Variants in PARD3 observed in about 807,000 individuals in gnomAD.
PARD3 encodes the protein par-3 family cell polarity regulator.
Under a neutral mutation model 155.4 loss-of-function variants are expected in PARD3, and 75 were observed. That is an observed-to-expected ratio of 0.48 (90% CI 0.40 to 0.58). PARD3 has a LOEUF of 0.58. Among genes scored for constraint, PARD3 ranks in the 20% least tolerant of loss-of-function variants. The pLI, the probability that PARD3 is intolerant of heterozygous loss-of-function variation, is 0.00. For synonymous variants in PARD3, 576 were observed against 610.5 expected (o/e 0.94, Z 0.83); for missense variants, 1,642 against 1,721.7 (o/e 0.95, Z 0.82).
rs193137785 is a variant in PARD3 at position 34,314,964 on chromosome 10, T to C, written c.3065+2143A>G. On this transcript the variant is annotated intron_variant, in intron 20 of 24. Coordinates refer to ENST00000374788, the MANE Select transcript of PARD3 (RefSeq NM_001184785.2). ...ATTCCAATAAACCAATGATTCCACA[T>C]ACCTAAAAAAGTATGAATGTCTGTT... 3.3e-5 allele frequency among the ~76,000 whole-genome samples: 5 copies of C among 152,244 alleles called. No homozygotes were observed. In the East Asian group the frequency reaches 9.6e-4, roughly 29 times the overall value.
At chr10:34,703,375 A>G (rs2094313183) in intron 1 of PARD3, among the ~76,000 whole-genome samples, 1 of 151,928 alleles carries the variant, frequency 6.6e-6, no homozygotes, top group Non-Finnish European at 1.5e-5. Flanking sequence ...TGTGACAGAC[A>G]CTCTGTCCAA....
chr10:34,197,716 C>T (rs1448490364), intron 22 of PARD3, among the ~76,000 whole-genome samples: 1 of 152,186 alleles, frequency 6.6e-6, no homozygotes, highest in Non-Finnish European at 1.5e-5. Context: ...GCTCCTACTG[C>T]AGGAGGTGAG....
At chr10:34,668,607 A>G (rs76494039) in intron 2 of PARD3, among the ~76,000 whole-genome samples, 3,115 of 152,304 alleles carry the variant, frequency 0.02, 106 homozygotes, top group African/African-American at 0.071. Context: ...AGGAAGAAGA[A>G]AACACTCCAA....
chr10:34,145,204 TA>T (rs1948411221), intron 22 of PARD3, among the ~76,000 whole-genome samples: 3 of 64,232 alleles, frequency 4.7e-5, no homozygotes, highest in South Asian at 4.6e-4. Flanking sequence ...TATATATATA[TA>T]TATATATATA....
chr10:34,170,490 C>T (rs1418414174), intron 22 of PARD3, among the ~76,000 whole-genome samples: 2 of 152,126 alleles, frequency 1.3e-5, no homozygotes, highest in Non-Finnish European at 2.9e-5. Flanking sequence ...AGAGACTACC[C>T]TGGGGAAGAC....
chr10:34,587,619 T>C (rs569139901), intron 2 of PARD3, among the ~76,000 whole-genome samples: 3 of 152,318 alleles, frequency 2.0e-5, no homozygotes, highest in Non-Finnish European at 2.9e-5. Flanking sequence ...TTATATATTA[T>C]AATCACTGTG....
intron 22 of PARD3, among the ~76,000 whole-genome samples, chr10:34,180,283 G>A (rs1455493173): frequency 3.3e-5 from 5 of 152,170 alleles, no homozygotes; most frequent in Admixed American, 3.3e-4. Flanking sequence ...CTCACCTCAT[G>A]ATCCGCCTGC....
At chr10:34,754,043 G>A (rs998711318) in intron 1 of PARD3, among the ~76,000 whole-genome samples, 3 of 150,864 alleles carry the variant, frequency 2.0e-5, no homozygotes, top group East Asian at 1.9e-4. Flanking sequence ...TAGAGACATC[G>A]TCTCCTTGTT....
chr10:34,438,583 A>T (rs1275012214), intron 5 of PARD3, among the ~76,000 whole-genome samples: 1 of 152,220 alleles, frequency 6.6e-6, no homozygotes, highest in Non-Finnish European at 1.5e-5. Context: ...AAAAGTAGGG[A>T]CATTATGAAC....
chr10:34,475,512 A>G (rs1589707079), intron 3 of PARD3, among the ~76,000 whole-genome samples: 2 of 152,234 alleles, frequency 1.3e-5, no homozygotes, highest in Admixed American at 1.3e-4. Flanking sequence ...GGTCAGCTAC[A>G]ATGTGAATGT....
At chr10:34,725,968 G>C (rs981868978) in intron 1 of PARD3, among the ~76,000 whole-genome samples, 7 of 152,048 alleles carry the variant, frequency 4.6e-5, no homozygotes, top group Non-Finnish European at 8.8e-5. Context: ...CAGTATCTAA[G>C]CATACATGTC....
At chr10:34,220,844 C>T (rs1952242615) in intron 22 of PARD3, among the ~76,000 whole-genome samples, 1 of 152,170 alleles carries the variant, frequency 6.6e-6, no homozygotes, top group African/African-American at 2.4e-5. Flanking sequence ...TGGATTCTGA[C>T]TAATAAAGCC....
chr10:34,298,029 A>G (rs2570335), intron 20 of PARD3, among the ~76,000 whole-genome samples: 76,662 of 152,108 alleles, frequency 0.5, 19,440 homozygotes, highest in Middle Eastern at 0.6. Flanking sequence ...CTGGCTGTGA[A>G]GGGCAACTCA....
At position 34,623,797 on chromosome 10, in the gene PARD3, C is replaced by G. The variant is rs1015346377; in HGVS notation, c.222+72521G>C. Among the ~76,000 whole-genome samples, 30 of 152,006 alleles carry G rather than the reference C, an allele frequency of 2.0e-4. 1 individual carries two copies. The highest frequency in any genetic ancestry group is 6.5e-4 in the African/African-American group (27 of 41,472). Reference sequence around the variant, plus strand: ...GAGATCGAAACCATCCTGGCTAACACGGTGAAACCCTGACTCTACTAAAAA... The same window carrying G: ...GAGATCGAAACCATCCTGGCTAACAGGGTGAAACCCTGACTCTACTAAAAA... On this transcript the variant is annotated intron_variant, in intron 2 of 24. Coordinates refer to ENST00000374788, the MANE Select transcript of PARD3 (RefSeq NM_001184785.2).
chr10:34,728,367 G>A (rs2094756460), intron 1 of PARD3, among the ~76,000 whole-genome samples: 1 of 152,038 alleles, frequency 6.6e-6, no homozygotes, highest in Non-Finnish European at 1.5e-5. Flanking sequence ...GAACGTTTTT[G>A]TAATTTAGAA....
intron 2 of PARD3, among the ~76,000 whole-genome samples, chr10:34,615,652 A>G (rs2091202169): frequency 6.6e-6 from 1 of 152,232 alleles, no homozygotes; most frequent in African/African-American, 2.4e-5. Context: ...CAATGAAAAA[A>G]GTGAAGCGAC....
Position 34,406,405 on chromosome 10 carries a change from T to C in PARD3, c.715-4488A>G, listed in dbSNP as rs77440253. On this transcript the variant is annotated intron_variant, in intron 5 of 24. Transcript: ENST00000374788. Reference sequence around the variant, plus strand: ...GAAATCAGTCAGAACCCAAGGGAAGTCCTAGAACACGGGAGAAATGGCAGT... The same window carrying C: ...GAAATCAGTCAGAACCCAAGGGAAGCCCTAGAACACGGGAGAAATGGCAGT... 3.0e-3 allele frequency among the ~76,000 whole-genome samples: 455 copies of C among 152,216 alleles called. 2 individuals carry two copies. Among genetic ancestry groups the C allele is most frequent in the African/African-American group, 0.01 (431 of 41,526 alleles).
intron 20 of PARD3, among the ~76,000 whole-genome samples, chr10:34,286,665 G>A (rs891943037): frequency 1.3e-5 from 2 of 152,194 alleles, no homozygotes; most frequent in Non-Finnish European, 2.9e-5. Context: ...AAATGAAGAA[G>A]AGCAGCATCA....
chr10:34,687,846 C>CTTTTT (rs397846339), intron 2 of PARD3, among the ~76,000 whole-genome samples: 1,784 of 63,688 alleles, frequency 0.028, 371 homozygotes, highest in Middle Eastern at 0.089. Context: ...CACCTGAAAT[C>CTTTTT]TTTTTTTTTT....
Sources: allele counts gnomAD v4.1 joint callset (sites outside exome capture counted in the v4.1 genomes callset), GRCh38; gene constraint gnomAD v4.1.1; transcripts MANE v1.5; gene names NCBI Gene and HGNC (gene_info 2026-07-23, HGNC 2026-07-21).